AGFG1: variants seen among roughly 807,000 people sequenced by gnomAD.
AGFG1 encodes the protein ArfGAP with FG repeats 1.
AGFG1 carries 10 observed loss-of-function variants against 60.6 expected under a neutral mutation model. The ratio of observed to expected loss-of-function variants is 0.16; its 90% CI spans 0.10 to 0.28. The LOEUF (loss-of-function observed/expected upper bound fraction) is 0.28. Among genes scored for constraint, AGFG1 ranks in the 10% least tolerant of loss-of-function variants. The pLI is 1.00. For synonymous variants in AGFG1, 247 were observed against 242.9 expected, an observed-to-expected ratio of 1.02 and a Z score of -0.16; for missense variants, 537 against 676.5, an observed-to-expected ratio of 0.79 and a Z score of 2.29.
chr2:227,494,084 A>G (rs947964931), intron 2 of AGFG1, among the ~76,000 whole-genome samples: 1 of 152,214 alleles, frequency 6.6e-6, no homozygotes, highest in Non-Finnish European at 1.5e-5. Context: ...TAGTATACCA[A>G]AGAACATCTT....
chr2:227,511,870 T>C (rs1691506415), intron 2 of AGFG1, among the ~76,000 whole-genome samples: 1 of 152,174 alleles, frequency 6.6e-6, no homozygotes. Flanking sequence ...GAGGGATTAT[T>C]GTCCCTTTGG....
chr2:227,499,617 G>A (rs551889082), intron 2 of AGFG1, among the ~76,000 whole-genome samples: 1 of 150,612 alleles, frequency 6.6e-6, no homozygotes, highest in Admixed American at 6.6e-5. Context: ...TCCAGCCTGG[G>A]TGACAGAGTG....
Position 227,522,489 on chromosome 2 carries a change from T to C in AGFG1, c.378-1274T>C, listed in dbSNP as rs1184676354. On this transcript the variant is annotated intron_variant, in intron 3 of 12. Coordinates refer to ENST00000310078, the MANE Select transcript of AGFG1 (RefSeq NM_004504.5). ...ATGTAGTTTAGTGACAGTGAACACT[T>C]AGTTAACACGTATACCAGGAATTGT... is the stretch of plus-strand genomic sequence containing the variant. 2.0e-5 allele frequency among the ~76,000 whole-genome samples: 3 copies of C among 152,238 alleles called. No homozygotes were observed. The East Asian group carries it at 5.8e-4, about 29-fold the overall frequency.
intron 1 of AGFG1, among the ~76,000 whole-genome samples, chr2:227,485,385 C>T (rs554768975): frequency 1.2e-3 from 174 of 149,710 alleles, no homozygotes; most frequent in Non-Finnish European, 2.0e-3. Flanking sequence ...TACAGGCACC[C>T]GCCACCATGC....
At chr2:227,534,715 A>T (rs1692258077) in intron 7 of AGFG1, 130 bp from the exon 8 acceptor site, 3 of 915,672 alleles carry the variant, frequency 3.3e-6, no homozygotes, top group Non-Finnish European at 5.0e-6. Flanking sequence ...TATTTATTAG[A>T]TTAATGATTT....
chr2:227,546,732 C>G (rs908252408), intron 10 of AGFG1, among the ~76,000 whole-genome samples: 19 of 152,106 alleles, frequency 1.2e-4, no homozygotes, highest in Non-Finnish European at 5.9e-5. Context: ...TAGTGTTTTT[C>G]CCCCCTCAGA....
intron 2 of AGFG1, among the ~76,000 whole-genome samples, chr2:227,492,965 T>G (rs1437102188): frequency 6.6e-6 from 1 of 152,102 alleles, no homozygotes; most frequent in Non-Finnish European, 1.5e-5. Context: ...TGTGCAAAAT[T>G]TTGGAAATTA....
chr2:227,490,460 C>T (rs898940720), intron 1 of AGFG1, among the ~76,000 whole-genome samples: 4 of 151,932 alleles, frequency 2.6e-5, no homozygotes, highest in Non-Finnish European at 5.9e-5. Context: ...TACCTGTAGT[C>T]CCAGCTACTC....
rs1693107334 is a variant in AGFG1, at chr2:227,560,548, G to T, written c.*6053G>T. The T allele has an allele frequency of 6.6e-6, 1 of 152,000 alleles. No homozygotes were observed. Among genetic ancestry groups the T allele is most frequent in the Non-Finnish European group, 1.5e-5 (1 of 67,944 alleles). The allele number at this position is 152,000 out of a possible 1,614,324, so 9.4% of individuals were successfully genotyped here. ...TATTTTGCACCTTAATTTTTTCATT[G>T]TCCCTACTCATGACTCTAAAAAGTG... On this transcript the variant is annotated 3_prime_UTR_variant, in exon 13 of 13. Transcript: ENST00000310078.
intron 1 of AGFG1, among the ~76,000 whole-genome samples, chr2:227,474,351 C>T (rs1575054804): frequency 6.6e-6 from 1 of 152,202 alleles, no homozygotes; most frequent in African/African-American, 2.4e-5. Context: ...TATATTTACA[C>T]TTCCGGATTT....
At chr2:227,513,311 C>G (rs1014663565) in intron 2 of AGFG1, among the ~76,000 whole-genome samples, 2 of 152,206 alleles carry the variant, frequency 1.3e-5, no homozygotes, top group African/African-American at 4.8e-5. Flanking sequence ...TTTCCCTGCT[C>G]TGGCTCCAAG....
chr2:227,533,850 T>C (rs1246067664), intron 7 of AGFG1, 92 bp downstream of exon 7: 1 of 1,193,350 alleles, frequency 8.4e-7, no homozygotes, highest in East Asian at 2.5e-5. Flanking sequence ...TGCTACACTT[T>C]TCTCAGTTGT....
chr2:227,540,869 CTT>C (rs1290321797), intron 10 of AGFG1, among the ~76,000 whole-genome samples: 2 of 152,140 alleles, frequency 1.3e-5, no homozygotes, highest in Non-Finnish European at 2.9e-5. Flanking sequence ...TGTTTCCTGA[CTT>C]TTTAATGATC....
intron 1 of AGFG1, among the ~76,000 whole-genome samples, chr2:227,475,387 C>T (rs779844786): frequency 1.3e-5 from 2 of 152,078 alleles, no homozygotes; most frequent in African/African-American, 2.4e-5. Context: ...ACAAGGATCC[C>T]CAAATAGAGT....
In AGFG1 at chr2:227,472,334, G is replaced by A. The variant is rs527333874; in HGVS notation, c.-88G>A. 8.8e-4 allele frequency: 771 copies of A among 875,630 alleles called. 5 individuals carry two copies. In the African/African-American group the frequency reaches 0.013, roughly 15 times the overall value. 54.2% of individuals were successfully genotyped at this position (875,630 alleles called of 1,614,324 possible). On this transcript the variant is annotated 5_prime_UTR_variant, in exon 1 of 13. Coordinates refer to ENST00000310078, the MANE Select transcript of AGFG1 (RefSeq NM_004504.5). ...CGCGCAGACGGAGGGCGGCGGCCGC[G>A]GCCAGGGCGGCCCGTGGGACCGCGG...
intron 2 of AGFG1, among the ~76,000 whole-genome samples, chr2:227,506,309 A>T (rs905539746): frequency 4.6e-5 from 7 of 152,058 alleles, no homozygotes; most frequent in African/African-American, 1.7e-4. Flanking sequence ...TCTTTAATTG[A>T]ACTGTTTGAA....
At chr2:227,540,454 T>C (rs138285684) in intron 10 of AGFG1, among the ~76,000 whole-genome samples, 1,742 of 152,292 alleles carry the variant, frequency 0.011, 36 homozygotes, top group African/African-American at 0.04. Flanking sequence ...TGTTTGGTTT[T>C]CTGTCCTTGC....
At chr2:227,500,981 A>G (rs1279039903) in intron 2 of AGFG1, among the ~76,000 whole-genome samples, 2 of 151,756 alleles carry the variant, frequency 1.3e-5, no homozygotes, top group Non-Finnish European at 2.9e-5. Flanking sequence ...TTTAGTAGAG[A>G]CGAGGGTTCA....
intron 1 of AGFG1, among the ~76,000 whole-genome samples, chr2:227,475,743 T>C (rs892367772): frequency 1.3e-5 from 2 of 152,216 alleles, no homozygotes; most frequent in African/African-American, 4.8e-5. Context: ...TTTATTTATG[T>C]TAAGAAGATA....
Sources: gnomAD v4.1 joint callset for allele counts (sites outside exome capture counted in the v4.1 genomes callset) on GRCh38, gnomAD v4.1.1 for gene constraint, MANE v1.5 for transcripts, NCBI Gene and HGNC (gene_info 2026-07-23, HGNC 2026-07-21) for gene names.